STMN2: variants seen among roughly 807,000 people sequenced by gnomAD.
STMN2 encodes stathmin 2.
In STMN2, 2 loss-of-function variants were observed where a neutral mutation model predicts 24.1. The observed-to-expected ratio is 0.08, with a 90% CI of 0.03 to 0.26. The LOEUF is 0.26. Among genes scored for constraint, STMN2 ranks in the 10% least tolerant of loss-of-function variants. The pLI, the probability that STMN2 is intolerant of heterozygous loss-of-function variation, is 1.00. For synonymous variants in STMN2, 83 were observed against 77.5 expected (o/e 1.07, Z -0.37); for missense variants, 114 against 213.6 (o/e 0.53, Z 2.91).
intron 1 of STMN2, chr8:79,631,348 T>C: frequency 2.5e-6 from 2 of 788,338 alleles, no homozygotes; most frequent in Middle Eastern, 6.5e-4. Context: ...TCCATTCCCA[T>C]AGAAAAACTA....
At chr8:79,663,688 A>C in intron 4 of STMN2, 2 of 1,457,262 alleles carry the variant, frequency 1.4e-6, no homozygotes, top group Non-Finnish European at 1.8e-6. Flanking sequence ...AGAAATATAA[A>C]TAATACTACT....
intron 1 of STMN2, among the ~76,000 whole-genome samples, chr8:79,620,790 C>A (rs1040302228): frequency 3.3e-5 from 5 of 152,020 alleles, no homozygotes; most frequent in Non-Finnish European, 5.9e-5. Context: ...AATTAAAATG[C>A]TTCCCAAATT....
chr8:79,630,644 C>G (rs1423827676), intron 1 of STMN2, among the ~76,000 whole-genome samples: 5 of 152,218 alleles, frequency 3.3e-5, no homozygotes, highest in Admixed American at 3.3e-4. Flanking sequence ...GAATTGAAAT[C>G]ACTTGGGTGC....
intron 1 of STMN2, among the ~76,000 whole-genome samples, chr8:79,614,622 A>G (rs1440602573): frequency 6.6e-6 from 1 of 152,236 alleles, no homozygotes; most frequent in African/African-American, 2.4e-5. Flanking sequence ...AAATTCTCTG[A>G]GAGAAAGTAT....
intron 3 of STMN2, among the ~76,000 whole-genome samples, chr8:79,645,197 T>G (rs1810193549): frequency 6.6e-6 from 1 of 152,098 alleles, no homozygotes; most frequent in African/African-American, 2.4e-5. Flanking sequence ...CATATGTGTA[T>G]TTTTAAATGT....
chr8:79,655,691 G>C (rs562186902), intron 4 of STMN2, among the ~76,000 whole-genome samples: 1 of 152,188 alleles, frequency 6.6e-6, no homozygotes, highest in South Asian at 2.1e-4. Flanking sequence ...GAGCTGTGCT[G>C]GAGTTCTTCT....
intron 4 of STMN2, among the ~76,000 whole-genome samples, chr8:79,662,291 T>C (rs1054143967): frequency 6.6e-6 from 1 of 152,116 alleles, no homozygotes; most frequent in Non-Finnish European, 1.5e-5. Context: ...TAGATATGCT[T>C]GGGCCTCTGA....
chr8:79,660,552 T>C (rs1806480770), intron 4 of STMN2, among the ~76,000 whole-genome samples: 1 of 152,216 alleles, frequency 6.6e-6, no homozygotes. Flanking sequence ...TTAGTGGCAA[T>C]AGTAGCACAT....
At chr8:79,655,865 C>A (rs570098255) in intron 4 of STMN2, among the ~76,000 whole-genome samples, 2 of 152,284 alleles carry the variant, frequency 1.3e-5, no homozygotes, top group Admixed American at 6.5e-5. Context: ...GAGAAAGACG[C>A]CTCAATCCTT....
intron 1 of STMN2, among the ~76,000 whole-genome samples, chr8:79,614,868 C>T (rs1809347162): frequency 6.6e-6 from 1 of 151,934 alleles, no homozygotes; most frequent in Non-Finnish European, 1.5e-5. Flanking sequence ...TTTTATTTTT[C>T]AAATTACTAA....
At position 79,641,415 on chromosome 8, in the gene STMN2, C is replaced by A. The variant is rs1202993601; in HGVS notation, c.153C>A (p.Gly51=). The change falls in exon 3 of 5, where the codon GGC becomes GGA. Residue 51 remains glycine (G), a synonymous_variant. Coordinates refer to ENST00000220876, the MANE Select transcript of STMN2 (RefSeq NM_007029.4). ...EVKQINKRAS[G]QAFELILKPP... is the part of the protein sequence containing the mutation. ...AGCAAATCAACAAACGTGCCTCTGGCCAGGCTTTTGAGCTGATCTTGAAGC... is the reference window on the plus strand; with the variant it reads ...AGCAAATCAACAAACGTGCCTCTGGACAGGCTTTTGAGCTGATCTTGAAGC... 1.2e-6 allele frequency: 2 copies of A among 1,614,008 alleles called. No individual in the cohort carries two copies. The highest frequency in any genetic ancestry group is 4.5e-5 in the East Asian group (2 of 44,874).
intron 1 of STMN2, among the ~76,000 whole-genome samples, chr8:79,625,248 T>G (rs1809625255): frequency 6.6e-6 from 1 of 152,236 alleles, no homozygotes; most frequent in Non-Finnish European, 1.5e-5. Flanking sequence ...CCAACTATAT[T>G]GATGACTTCT....
At chr8:79,628,934 A>G (rs527884074) in intron 1 of STMN2, among the ~76,000 whole-genome samples, 4 of 152,340 alleles carry the variant, frequency 2.6e-5, no homozygotes, top group South Asian at 2.1e-4. Context: ...GCAGAAAATT[A>G]TACTAATTGA....
intron 1 of STMN2, among the ~76,000 whole-genome samples, chr8:79,618,737 T>C (rs7006086): frequency 0.35 from 53,722 of 152,084 alleles, 9,575 homozygotes; most frequent in South Asian, 0.41. Context: ...AGATAACATT[T>C]GTGTACATTT....
At chr8:79,630,673 A>G (rs1446403106) in intron 1 of STMN2, among the ~76,000 whole-genome samples, 1 of 152,210 alleles carries the variant, frequency 6.6e-6, no homozygotes, top group Non-Finnish European at 1.5e-5. Flanking sequence ...GCCATTCTGG[A>G]GAAGCAATTC....
chr8:79,647,200 A>G (rs118137843), intron 3 of STMN2, among the ~76,000 whole-genome samples: 1 of 152,294 alleles, frequency 6.6e-6, no homozygotes, highest in African/African-American at 2.4e-5. Flanking sequence ...CTATTAATAA[A>G]TTATCTTACC....
intron 1 of STMN2, among the ~76,000 whole-genome samples, chr8:79,628,441 A>G (rs2130326006): frequency 6.6e-6 from 1 of 152,174 alleles, no homozygotes; most frequent in Middle Eastern, 3.4e-3. Context: ...GTGAGCCACC[A>G]CGCCTGGCCT....
chr8:79,641,654 AC>A, intron 3 of STMN2, 104 bp downstream of exon 3: 1 of 809,058 alleles, frequency 1.2e-6, no homozygotes, highest in Admixed American at 2.7e-5. Flanking sequence ...ACACACACAC[AC>A]ACACACACAC....
intron 1 of STMN2, among the ~76,000 whole-genome samples, chr8:79,623,240 A>T (rs1159183248): frequency 6.6e-6 from 1 of 152,248 alleles, no homozygotes; most frequent in Non-Finnish European, 1.5e-5. Context: ...TCAGGAAAGC[A>T]ACGCCTTTAC....
Sources: allele counts gnomAD v4.1 joint callset (sites outside exome capture counted in the v4.1 genomes callset), GRCh38; gene constraint gnomAD v4.1.1; transcripts MANE v1.5; gene names NCBI Gene and HGNC (gene_info 2026-07-23, HGNC 2026-07-21).